Variants in CHD6 observed in about 807,000 individuals in gnomAD.
CHD6 encodes the protein ATP-dependent chromatin remodeler CHD6.
In CHD6, 50 loss-of-function variants were observed where a neutral mutation model predicts 276.9. The observed-to-expected ratio is 0.18, with a 90% CI of 0.14 to 0.23. CHD6 has a LOEUF of 0.23. Ranked by LOEUF, CHD6 falls within the 10% of genes least tolerant of loss-of-function variation. The pLI, the probability that CHD6 is intolerant of heterozygous loss-of-function variation, is 1.00. For missense variants in CHD6, 2,564 were observed against 3,365.8 expected (o/e 0.76, Z 5.89); for synonymous variants, 1,173 against 1,229.3 (o/e 0.95, Z 0.96).
intron 1 of CHD6, among the ~76,000 whole-genome samples, chr20:41,582,598 A>G (rs1187200073): frequency 6.6e-6 from 1 of 152,230 alleles, no homozygotes; most frequent in Non-Finnish European, 1.5e-5. Flanking sequence ...ACTATAAGGC[A>G]TATGAAAAAG....
chr20:41,468,513 T>G (rs2042981337), intron 17 of CHD6, among the ~76,000 whole-genome samples: 1 of 152,230 alleles, frequency 6.6e-6, no homozygotes, highest in African/African-American at 2.4e-5. Context: ...CCTATCCTAC[T>G]GAAATAAAAC....
At chr20:41,613,881 C>A (rs1289710491) in intron 1 of CHD6, among the ~76,000 whole-genome samples, 1 of 151,922 alleles carries the variant, frequency 6.6e-6, no homozygotes, top group African/African-American at 2.4e-5. Context: ...CCAAAGACTC[C>A]CTAGGGGTCC....
chr20:41,538,284 G>C (rs2044874562), intron 2 of CHD6, among the ~76,000 whole-genome samples: 1 of 152,136 alleles, frequency 6.6e-6, no homozygotes, highest in African/African-American at 2.4e-5. Context: ...TTGGGAGGCG[G>C]AGGTTGCAGT....
Position 41,578,362 on chromosome 20 carries a change from T to C in CHD6, c.-23-27002A>G, listed in dbSNP as rs1047349191. On this transcript the variant is annotated intron_variant, in intron 1 of 36. Transcript: ENST00000373233. ...CAAGGCATAATCACATAAAAAGATA[T>C]GGTGTATAGCGAATAAATGAATTTC... Among the ~76,000 whole-genome samples the C allele has an allele frequency of 5.3e-5, 8 of 152,230 alleles. 1 individual carries two copies. Among genetic ancestry groups the C allele is most frequent in the South Asian group, 2.1e-4 (1 of 4,832 alleles).
intron 1 of CHD6, among the ~76,000 whole-genome samples, chr20:41,573,549 G>T (rs751541045): frequency 4.6e-5 from 7 of 152,068 alleles, no homozygotes; most frequent in Admixed American, 1.3e-4. Flanking sequence ...GCTAAATTCT[G>T]AAAGTTCCAA....
intron 16 of CHD6, among the ~76,000 whole-genome samples, chr20:41,475,668 C>G (rs540571273): frequency 1.1e-4 from 16 of 152,258 alleles, no homozygotes; most frequent in African/African-American, 2.2e-4. Flanking sequence ...CATTTCCCCC[C>G]CTCTACCCTC....
At chr20:41,498,643 T>C (rs1293405688) in intron 6 of CHD6, among the ~76,000 whole-genome samples, 2 of 152,184 alleles carry the variant, frequency 1.3e-5, no homozygotes, top group Non-Finnish European at 2.9e-5. Context: ...GAAGTAAAGA[T>C]GAAGCCGTGC....
chr20:41,588,266 C>A (rs1450039554), intron 1 of CHD6, among the ~76,000 whole-genome samples: 1 of 152,278 alleles, frequency 6.6e-6, no homozygotes, highest in Admixed American at 6.5e-5. Flanking sequence ...CAGTGTCATA[C>A]AACAATAAGA....
At position 41,428,876 on chromosome 20, in the gene CHD6, GA is replaced by G. The variant is rs951792696; in HGVS notation, c.4069-2724del. 6.6e-5 allele frequency among the ~76,000 whole-genome samples: 10 copies of G among 152,282 alleles called. 1 individual carries two copies. Among genetic ancestry groups the G allele is most frequent in the African/African-American group, 2.4e-4 (10 of 41,558 alleles). The stretch of plus-strand genomic sequence containing the variant: ...ATAAGAATAATGCCTAACAGATGGG[GA>G]AATATGCTTTGTAAGTGTGAAAGTA... On this transcript the variant is annotated intron_variant, in intron 27 of 36. Transcript: ENST00000373233.
chr20:41,449,909 G>A (rs1445164954), intron 23 of CHD6, among the ~76,000 whole-genome samples: 1 of 152,214 alleles, frequency 6.6e-6, no homozygotes. Flanking sequence ...ATTTGAAGCA[G>A]TGCTTTTTAA....
At chr20:41,595,125 G>T (rs1428917277) in intron 1 of CHD6, among the ~76,000 whole-genome samples, 6 of 152,170 alleles carry the variant, frequency 3.9e-5, no homozygotes, top group African/African-American at 1.4e-4. Context: ...AGGGGTGAGG[G>T]ATCGAGACCC....
At chr20:41,531,510 A>C (rs1393189503) in intron 3 of CHD6, among the ~76,000 whole-genome samples, 1 of 152,208 alleles carries the variant, frequency 6.6e-6, no homozygotes, top group Non-Finnish European at 1.5e-5. Flanking sequence ...TGGAGACTAG[A>C]GTATGCTCAC....
At chr20:41,415,765 A>T (rs2046977582) in intron 33 of CHD6, 127 bp from the exon 34 acceptor site, 1 of 700,706 alleles carries the variant, frequency 1.4e-6, no homozygotes, top group African/African-American at 1.8e-5. Flanking sequence ...AGTTCTTCTA[A>T]CTCAGGCCTC....
At chr20:41,595,510 T>C (rs541731883) in intron 1 of CHD6, among the ~76,000 whole-genome samples, 6 of 152,220 alleles carry the variant, frequency 3.9e-5, no homozygotes, top group Admixed American at 2.6e-4. Context: ...AGTGGGGTGG[T>C]TGAGCCTCCA....
intron 3 of CHD6, among the ~76,000 whole-genome samples, chr20:41,529,757 G>C (rs1486402671): frequency 6.6e-6 from 1 of 152,110 alleles, no homozygotes; most frequent in South Asian, 2.1e-4. Context: ...GACCCCAGAG[G>C]GTCTGAATAA....
intron 1 of CHD6, among the ~76,000 whole-genome samples, chr20:41,589,480 G>A (rs148036116): frequency 7.2e-4 from 110 of 152,298 alleles, no homozygotes; most frequent in East Asian, 7.1e-3. Context: ...CATCATCTCA[G>A]TCCAAAATCT....
At chr20:41,514,682 A>G in intron 4 of CHD6, 123 bp downstream of exon 4, 3 of 1,143,274 alleles carry the variant, frequency 2.6e-6, no homozygotes, top group South Asian at 3.4e-5. Context: ...CCAAAACGGT[A>G]AAAGCCCAGC....
chr20:41,617,913 G>A (rs1319340390), intron 1 of CHD6, among the ~76,000 whole-genome samples: 1 of 147,566 alleles, frequency 6.8e-6, no homozygotes, highest in Non-Finnish European at 1.5e-5. Context: ...CCGCCCCAGC[G>A]CGGCTGGGCC....
intron 5 of CHD6, among the ~76,000 whole-genome samples, chr20:41,506,069 T>C (rs912400868): frequency 6.6e-6 from 1 of 152,158 alleles, no homozygotes; most frequent in Non-Finnish European, 1.5e-5. Flanking sequence ...CTTCAAAGTA[T>C]GTCCAAAACC....
Sources: allele counts gnomAD v4.1 joint callset (sites outside exome capture counted in the v4.1 genomes callset), GRCh38; gene constraint gnomAD v4.1.1; transcripts MANE v1.5; gene names NCBI Gene and HGNC (gene_info 2026-07-23, HGNC 2026-07-21).